Variants in MARCHF2 observed in about 807,000 individuals in gnomAD.
MARCHF2 encodes E3 ubiquitin-protein ligase MARCHF2.
Under a neutral mutation model 24.0 loss-of-function variants are expected in MARCHF2, and 22 were observed. That is an observed-to-expected ratio of 0.92 (90% CI 0.66 to 1.31). The LOEUF is 1.31. Ranked by LOEUF, MARCHF2 falls within the 50% of genes most tolerant of loss-of-function variation. The pLI is 0.00. For missense variants in MARCHF2, 301 were observed against 335.3 expected (o/e 0.90, Z 0.80); for synonymous variants, 154 against 153.0 (o/e 1.01, Z -0.05).
chr19:8,413,988 G>GGCA (rs960835553), intron 1 of MARCHF2, among the ~76,000 whole-genome samples: 3 of 152,190 alleles, frequency 2.0e-5, no homozygotes, highest in African/African-American at 7.2e-5. Context: ...CAGGCTCAAA[G>GGCA]AGGTTAAGTG....
At chr19:8,417,653 G>T (rs1294569699) in intron 1 of MARCHF2, among the ~76,000 whole-genome samples, 6 of 151,474 alleles carry the variant, frequency 4.0e-5, no homozygotes, top group Middle Eastern at 3.2e-3. Flanking sequence ...GGCCAGGCTG[G>T]TCTCGAACTC....
chr19:8,438,256 G>A, intron 4 of MARCHF2, 132 bp from the exon 5 acceptor site: 1 of 904,514 alleles, frequency 1.1e-6, no homozygotes, highest in Non-Finnish European at 1.7e-6. Context: ...TGGGAGGAAT[G>A]TTCATAAGCC....
intron 4 of MARCHF2, among the ~76,000 whole-genome samples, chr19:8,436,530 T>C (rs1406934905): frequency 1.3e-5 from 2 of 152,090 alleles, no homozygotes; most frequent in Non-Finnish European, 2.9e-5. Flanking sequence ...CCAAGCCCTA[T>C]CCACTGCTGA....
Position 8,438,744 on chromosome 19 carries a change from T to G in MARCHF2, c.*198T>G, listed in dbSNP as rs1176495230. ...TATTTTCAGGGTTTTTTTTTTTTTT[T>G]TTTTGCATATGGAGGACAGGTGGAC... On this transcript the variant is annotated 3_prime_UTR_variant, in exon 5 of 5. Coordinates refer to ENST00000215555, the MANE Select transcript of MARCHF2 (RefSeq NM_001005415.2). 5.0e-5 allele frequency: 30 copies of G among 603,078 alleles called. No individual in the cohort carries two copies. Among genetic ancestry groups the G allele is most frequent in the Non-Finnish European group, 7.9e-5 (28 of 354,800 alleles). The allele number at this position is 603,078 out of a possible 1,614,324, so 37.4% of individuals were successfully genotyped here.
At chr19:8,433,558 C>G (rs1967634367) in intron 4 of MARCHF2, among the ~76,000 whole-genome samples, 1 of 151,740 alleles carries the variant, frequency 6.6e-6, no homozygotes, top group Admixed American at 6.6e-5. Flanking sequence ...TGCCTGTAAT[C>G]CCAGCTACTC....
At chr19:8,415,733 A>AC (rs1967063556) in intron 1 of MARCHF2, among the ~76,000 whole-genome samples, 2 of 80,454 alleles carry the variant, frequency 2.5e-5, no homozygotes, top group African/African-American at 4.7e-5. Context: ...AAAAAAAAAA[A>AC]ACAAAAAAAA....
chr19:8,428,659 A>C (rs930300796), intron 3 of MARCHF2, among the ~76,000 whole-genome samples: 2 of 142,638 alleles, frequency 1.4e-5, no homozygotes, highest in African/African-American at 5.1e-5. Flanking sequence ...CAAAAAAAAA[A>C]AAAAAAAAAA....
Position 8,426,810 on chromosome 19 carries a change from C to T in MARCHF2, c.372+6C>T. The T allele has an allele frequency of 6.2e-7, 1 of 1,611,274 alleles. No individual in the cohort carries two copies. Among genetic ancestry groups the T allele is most frequent in the Non-Finnish European group, 8.5e-7 (1 of 1,179,462 alleles). Reference sequence around the variant, plus strand: ...GGCCTCGACCCCTCACAGAGGTACCCTTAAGAGTCTGAGACTGCGGTGGGC... The same window carrying T: ...GGCCTCGACCCCTCACAGAGGTACCTTTAAGAGTCTGAGACTGCGGTGGGC... On this transcript the variant is annotated splice_donor_region_variant and intron_variant, in intron 3 of 4. Transcript: ENST00000215555.
intron 4 of MARCHF2, among the ~76,000 whole-genome samples, chr19:8,432,298 G>A (rs1967606436): frequency 6.6e-6 from 1 of 152,166 alleles, no homozygotes; most frequent in African/African-American, 2.4e-5. Flanking sequence ...GCTGAGGCAG[G>A]AAGATTGCTT....
chr19:8,414,708 C>T (rs1386634645), intron 1 of MARCHF2, among the ~76,000 whole-genome samples: 2 of 152,282 alleles, frequency 1.3e-5, no homozygotes, highest in Admixed American at 6.5e-5. Context: ...GGAAAAGGAG[C>T]CTGGGCAGGT....
chr19:8,432,127 C>T (rs1039567554), intron 4 of MARCHF2, among the ~76,000 whole-genome samples: 8 of 151,994 alleles, frequency 5.3e-5, no homozygotes, highest in African/African-American at 1.9e-4. Flanking sequence ...TACTGTACTC[C>T]AGCCTGGGCG....
chr19:8,420,526 A>C (rs986018062), intron 1 of MARCHF2, among the ~76,000 whole-genome samples: 3 of 146,132 alleles, frequency 2.1e-5, no homozygotes, highest in Admixed American at 1.4e-4. Context: ...ACACAGCGAA[A>C]CTCTGTCTCA....
chr19:8,419,437 T>C (rs1371237281), intron 1 of MARCHF2, among the ~76,000 whole-genome samples: 2 of 151,948 alleles, frequency 1.3e-5, no homozygotes, highest in African/African-American at 2.4e-5. Flanking sequence ...GAGGTTGCAG[T>C]GAGCCAAGAT....
intron 2 of MARCHF2, among the ~76,000 whole-genome samples, chr19:8,424,163 C>T (rs1211920330): frequency 3.9e-5 from 6 of 152,162 alleles, no homozygotes; most frequent in Admixed American, 3.3e-4. Flanking sequence ...GCCTCCTGAG[C>T]TGCCCTGGGA....
At chr19:8,436,150 T>TG (rs201465239) in intron 4 of MARCHF2, among the ~76,000 whole-genome samples, 12 of 151,750 alleles carry the variant, frequency 7.9e-5, no homozygotes, top group East Asian at 7.8e-4. Flanking sequence ...TTTTTTTTTT[T>TG]GGGGGGGACA....
chr19:8,437,683 A>T (rs543586000), intron 4 of MARCHF2, among the ~76,000 whole-genome samples: 27 of 143,342 alleles, frequency 1.9e-4, no homozygotes, highest in South Asian at 6.6e-4. Context: ...TTTTTTTTTT[A>T]AACTTTTTTT....
Position 8,438,550 on chromosome 19 carries a change from C to T in MARCHF2, c.*4C>T. 6.2e-7 allele frequency: 1 copy of T among 1,613,786 alleles called. No homozygotes were observed. Among genetic ancestry groups the T allele is most frequent in the Non-Finnish European group, 8.5e-7 (1 of 1,179,910 alleles). Reference sequence around the variant, plus strand: ...GGCAGAGGAGACACCAGTATGAATGCTGGGCTCTCCGGACCCTGCAGCAGA... The same window carrying T: ...GGCAGAGGAGACACCAGTATGAATGTTGGGCTCTCCGGACCCTGCAGCAGA... On this transcript the variant is annotated 3_prime_UTR_variant, in exon 5 of 5. Coordinates refer to ENST00000215555, the MANE Select transcript of MARCHF2 (RefSeq NM_001005415.2).
At chr19:8,433,932 G>T (rs1008660751) in intron 4 of MARCHF2, among the ~76,000 whole-genome samples, 3 of 151,706 alleles carry the variant, frequency 2.0e-5, no homozygotes, top group Non-Finnish European at 2.9e-5. Flanking sequence ...GGGGTGTGAG[G>T]TATTGTTCTA....
intron 2 of MARCHF2, among the ~76,000 whole-genome samples, chr19:8,422,699 T>TTTTGAGGCAGGCAG: frequency 7.0e-6 from 1 of 142,898 alleles, no homozygotes. Flanking sequence ...AGCCTCTTTT[T>TTTTGAGGCAGGCAG]AAATTTTTTT....
Sources: allele counts gnomAD v4.1 joint callset (sites outside exome capture counted in the v4.1 genomes callset), GRCh38; gene constraint gnomAD v4.1.1; transcripts MANE v1.5; gene names NCBI Gene and HGNC (gene_info 2026-07-23, HGNC 2026-07-21).